PDE4D: variants seen among roughly 807,000 people sequenced by gnomAD.
The protein encoded by PDE4D is phosphodiesterase 4D.
A neutral mutation model predicts 87.4 loss-of-function variants in PDE4D; 24 were observed. The ratio of observed to expected loss-of-function variants is 0.27; its 90% CI spans 0.20 to 0.39. The LOEUF (loss-of-function observed/expected upper bound fraction) is 0.39, where lower values mean the gene tolerates loss of function less well. PDE4D is among the 10% of genes least tolerant of loss of function. PDE4D has a pLI of 1.00. For synonymous variants in PDE4D, 384 were observed against 383.2 expected, an observed-to-expected ratio of 1.00 and a Z score of -0.02; for missense variants, 714 against 1,041.0, an observed-to-expected ratio of 0.69 and a Z score of 4.32.
intron 5 of PDE4D, chr5:59,063,191 A>G (rs1396037148): frequency 6.6e-6 from 1 of 152,210 alleles, no homozygotes; most frequent in Non-Finnish European, 1.5e-5. Context: ...ACTTGGCCAA[A>G]GGCGACTACT....
At chr5:60,157,657 A>G (rs1315571283) in intron 2 of PDE4D, among the ~76,000 whole-genome samples, 1 of 152,196 alleles carries the variant, frequency 6.6e-6, no homozygotes, top group Non-Finnish European at 1.5e-5. Flanking sequence ...GATAGCCAAC[A>G]TTAACAGTAT....
At chr5:59,817,049 A>C (rs1769051837) in intron 1 of PDE4D, among the ~76,000 whole-genome samples, 1 of 152,138 alleles carries the variant, frequency 6.6e-6, no homozygotes. Context: ...ACTCCTCTCC[A>C]TCTGCTCTCC....
chr5:59,475,095 G>A (rs1011517792), intron 1 of PDE4D, among the ~76,000 whole-genome samples: 2 of 152,076 alleles, frequency 1.3e-5, no homozygotes, highest in African/African-American at 4.8e-5. Flanking sequence ...TGAAGACAGT[G>A]TGGTCTCCTT....
chr5:60,138,123 T>C (rs947491457), intron 2 of PDE4D, among the ~76,000 whole-genome samples: 7 of 152,174 alleles, frequency 4.6e-5, no homozygotes, highest in African/African-American at 1.7e-4. Context: ...CTGGGTTCTC[T>C]ATTCTTTTTC....
In PDE4D at chr5:58,973,546, A is replaced by T. The variant is rs749948288; in HGVS notation, c.*1118T>A. The T allele has an allele frequency of 6.5e-6, 1 of 152,764 alleles. No homozygotes were observed. Among genetic ancestry groups the T allele is most frequent in the East Asian group, 1.9e-4 (1 of 5,194 alleles). 9.5% of individuals were successfully genotyped at this position (152,764 alleles called of 1,614,324 possible). A position where few individuals can be genotyped will look rare whatever the true frequency, so the allele number is the denominator to read the frequency against. Reference sequence around the variant, plus strand: ...TGACACAGCAAAACGTTATTAGGAGATACTAAGTAGGAAAACATCTAAAAA... The same window carrying T: ...TGACACAGCAAAACGTTATTAGGAGTTACTAAGTAGGAAAACATCTAAAAA... On this transcript the variant is annotated 3_prime_UTR_variant, in exon 15 of 15. Transcript: ENST00000340635.
chr5:60,375,512 T>G (rs536423677), intron 1 of PDE4D, among the ~76,000 whole-genome samples: 20 of 152,226 alleles, frequency 1.3e-4, no homozygotes, highest in Admixed American at 1.3e-4. Flanking sequence ...CAGATATCAT[T>G]TATTGAGTAC....
At chr5:59,512,358 T>C (rs1312806745) in intron 1 of PDE4D, among the ~76,000 whole-genome samples, 1 of 152,162 alleles carries the variant, frequency 6.6e-6, no homozygotes, top group Non-Finnish European at 1.5e-5. Flanking sequence ...AGCACGCATG[T>C]CTAATGCAGA....
chr5:60,468,578 G>A (rs543432597), intron 1 of PDE4D, among the ~76,000 whole-genome samples: 81 of 151,716 alleles, frequency 5.3e-4, no homozygotes, highest in Middle Eastern at 3.4e-3. Context: ...CATATGAAAT[G>A]TCATAGGTCA....
intron 2 of PDE4D, among the ~76,000 whole-genome samples, chr5:60,077,246 G>A (rs1047184038): frequency 1.3e-5 from 2 of 152,242 alleles, no homozygotes; most frequent in Admixed American, 6.5e-5. Context: ...GGCAGCAGCG[G>A]TATGGTAGGA....
chr5:59,350,677 C>T (rs1162771665), intron 1 of PDE4D, among the ~76,000 whole-genome samples: 1 of 152,168 alleles, frequency 6.6e-6, no homozygotes, highest in East Asian at 1.9e-4. Flanking sequence ...CCATGTGGAG[C>T]TTACATTCTA....
At chr5:59,996,459 A>T (rs754243868) in intron 2 of PDE4D, among the ~76,000 whole-genome samples, 1 of 152,218 alleles carries the variant, frequency 6.6e-6, no homozygotes, top group Non-Finnish European at 1.5e-5. Flanking sequence ...ATCACAGTGG[A>T]TTAAAAGTCA....
chr5:60,257,371 A>G (rs1248800973), intron 1 of PDE4D, among the ~76,000 whole-genome samples: 1 of 151,968 alleles, frequency 6.6e-6, no homozygotes, highest in South Asian at 2.1e-4. Context: ...TAAAAGAGCT[A>G]TTATTTTCTT....
At chr5:60,062,202 A>G (rs886909227) in intron 2 of PDE4D, among the ~76,000 whole-genome samples, 5 of 152,208 alleles carry the variant, frequency 3.3e-5, no homozygotes, top group African/African-American at 1.2e-4. Context: ...AAGGAACTTA[A>G]CCATATTTAC....
In PDE4D at chr5:59,991,148, T is replaced by A. The variant is rs576999368; in HGVS notation, c.43-2431A>T. Among the ~76,000 whole-genome samples, 186 of 152,278 alleles carry A rather than the reference T, an allele frequency of 1.2e-3. 1 individual carries two copies. The highest frequency in any genetic ancestry group is 1.4e-3 in the Non-Finnish European group (94 of 68,026). On this transcript the variant is annotated intron_variant, in intron 2 of 16. Coordinates refer to the PDE4D transcript ENST00000502484. ...TAAACATTAGAAATGAATGACAATC[T>A]GTCATTAAATGAGAGGATAGAAATT... is the stretch of plus-strand genomic sequence containing the variant.
intron 2 of PDE4D, among the ~76,000 whole-genome samples, chr5:60,157,798 A>G (rs1024382045): frequency 2.6e-5 from 4 of 152,190 alleles, no homozygotes; most frequent in Non-Finnish European, 5.9e-5. Context: ...GCTTTTCCCA[A>G]TAAATAATAA....
At chr5:59,110,730 G>C (rs1322134400) in intron 5 of PDE4D, among the ~76,000 whole-genome samples, 2 of 152,138 alleles carry the variant, frequency 1.3e-5, no homozygotes, top group African/African-American at 4.8e-5. Flanking sequence ...AAATTAGCCA[G>C]GCATGGTGGT....
chr5:59,206,789 C>T (rs1018798456), intron 2 of PDE4D, among the ~76,000 whole-genome samples: 1 of 152,060 alleles, frequency 6.6e-6, no homozygotes, highest in African/African-American at 2.4e-5. Flanking sequence ...TTAATACACA[C>T]CTTTATTTAG....
intron 1 of PDE4D, among the ~76,000 whole-genome samples, chr5:60,253,799 A>G (rs1392794274): frequency 6.6e-6 from 1 of 151,906 alleles, no homozygotes; most frequent in Non-Finnish European, 1.5e-5. Context: ...CACAGCTTCT[A>G]AAATAATAAT....
chr5:59,336,474 T>C (rs1403099528), intron 1 of PDE4D, among the ~76,000 whole-genome samples: 11 of 152,232 alleles, frequency 7.2e-5, no homozygotes, highest in Non-Finnish European at 5.9e-5. Context: ...ACTTTAGCCA[T>C]GGTTGTTGTT....
Sources: gnomAD v4.1 joint callset for allele counts (sites outside exome capture counted in the v4.1 genomes callset) on GRCh38, gnomAD v4.1.1 for gene constraint, MANE v1.5 for transcripts, NCBI Gene and HGNC (gene_info 2026-07-23, HGNC 2026-07-21) for gene names.